The following FGF12 variants were observed in gnomAD, a reference collection of about 807,000 sequenced individuals.
FGF12 encodes fibroblast growth factor 12B.
A neutral mutation model predicts 23.6 loss-of-function variants in FGF12; 14 were observed. The ratio of observed to expected loss-of-function variants is 0.59; its 90% CI spans 0.39 to 0.93. The LOEUF (loss-of-function observed/expected upper bound fraction) is 0.93, where lower values mean the gene tolerates loss of function less well. Ranked by LOEUF, FGF12 falls within the 40% of genes least tolerant of loss-of-function variation. The pLI is 0.00. For missense variants in FGF12, 175 were observed against 217.8 expected, an observed-to-expected ratio of 0.80 and a Z score of 1.24; for synonymous variants, 62 against 77.3, an observed-to-expected ratio of 0.80 and a Z score of 1.04.
intron 2 of FGF12, among the ~76,000 whole-genome samples, chr3:192,528,357 C>G (rs1360456903): frequency 6.6e-6 from 1 of 152,184 alleles, no homozygotes; most frequent in East Asian, 1.9e-4. Context: ...CTCCATGTCT[C>G]AGGTCCAGGT....
At chr3:192,146,942 T>C (rs1400378991) in intron 5 of FGF12, among the ~76,000 whole-genome samples, 1 of 152,200 alleles carries the variant, frequency 6.6e-6, no homozygotes, top group African/African-American at 2.4e-5. Flanking sequence ...TTCCCAATCT[T>C]TGCACTAAAT....
At chr3:192,411,503 G>A (rs146459990) in intron 2 of FGF12, among the ~76,000 whole-genome samples, 7 of 152,214 alleles carry the variant, frequency 4.6e-5, no homozygotes, top group African/African-American at 1.2e-4. Flanking sequence ...AAAGACACAC[G>A]CACACACACA....
intron 4 of FGF12, among the ~76,000 whole-genome samples, chr3:192,190,905 G>A (rs1269574720): frequency 2.0e-5 from 3 of 152,140 alleles, no homozygotes; most frequent in African/African-American, 7.2e-5. Flanking sequence ...TCACGTATGT[G>A]CAACGGATTA....
chr3:192,312,452 A>G (rs1196456365), intron 4 of FGF12, among the ~76,000 whole-genome samples: 1 of 151,230 alleles, frequency 6.6e-6, no homozygotes, highest in African/African-American at 2.4e-5. Context: ...TAAGGTCTTC[A>G]GACAATGGCA....
At position 192,228,579 on chromosome 3, in the gene FGF12, A is replaced by G. The variant is rs143061164; in HGVS notation, c.229-57923T>C. On this transcript the variant is annotated intron_variant, in intron 4 of 5. Coordinates refer to ENST00000445105, the MANE Select transcript of FGF12 (RefSeq NM_004113.6). ...TAAAAATAATGGAAAATTTATCACA[A>G]TCACCATGCCCTCGGGTGATTTTTC... Among the ~76,000 whole-genome samples, 422 of 152,218 alleles carry G rather than the reference A, an allele frequency of 2.8e-3. 2 individuals carry two copies. Among genetic ancestry groups the G allele is most frequent in the African/African-American group, 9.7e-3 (402 of 41,568 alleles).
At chr3:192,173,098 T>C (rs940578384) in intron 4 of FGF12, among the ~76,000 whole-genome samples, 1 of 150,852 alleles carries the variant, frequency 6.6e-6, no homozygotes, top group Non-Finnish European at 1.5e-5. Context: ...AATCCGGAGA[T>C]AGTAAGTACT....
chr3:192,663,106 G>A (rs544028714), intron 2 of FGF12, among the ~76,000 whole-genome samples: 2 of 152,276 alleles, frequency 1.3e-5, no homozygotes, highest in Middle Eastern at 6.8e-3. Flanking sequence ...AGCATGACTT[G>A]GAAAACTTGC....
chr3:192,383,741 C>A (rs1427906078), intron 2 of FGF12, among the ~76,000 whole-genome samples: 1 of 151,930 alleles, frequency 6.6e-6, no homozygotes, highest in African/African-American at 2.4e-5. Flanking sequence ...ATGATAACCA[C>A]ATTATTTGAG....
chr3:192,506,117 T>C (rs1280121832), intron 2 of FGF12, among the ~76,000 whole-genome samples: 1 of 152,230 alleles, frequency 6.6e-6, no homozygotes. Context: ...ATAGCTTCTG[T>C]AAGCCAGCCA....
chr3:192,588,974 G>A (rs1168873384), intron 2 of FGF12, among the ~76,000 whole-genome samples: 3 of 151,958 alleles, frequency 2.0e-5, no homozygotes, highest in Admixed American at 2.0e-4. Context: ...GACTAATAGG[G>A]ATGTGTGTGA....
intron 4 of FGF12, among the ~76,000 whole-genome samples, chr3:192,301,639 T>C (rs964799399): frequency 2.6e-5 from 4 of 152,146 alleles, no homozygotes; most frequent in African/African-American, 9.7e-5. Flanking sequence ...AATTGAAGTT[T>C]TGACCTGTAA....
At chr3:192,682,830 T>C (rs1056884125) in intron 2 of FGF12, among the ~76,000 whole-genome samples, 8 of 152,144 alleles carry the variant, frequency 5.3e-5, no homozygotes, top group African/African-American at 1.7e-4. Context: ...AAGTTGTAGG[T>C]TGACTTCGTT....
Position 192,408,574 on chromosome 3 carries a change from G to A in FGF12, c.14-48036C>T, listed in dbSNP as rs1576959324. On this transcript the variant is annotated intron_variant, in intron 2 of 5. Transcript: ENST00000445105. This position sits in a 1 kb window ranked among gnomAD's most constrained non-coding sequence, Gnocchi z 7.3. The stretch of plus-strand genomic sequence containing the variant: ...GCAGTGGGGAGTTTAGTCACACTGC[G>A]TTCGGGGTACCAAGTGGAAGGGGAA... 3 of 1,105,580 alleles carry A rather than the reference G, an allele frequency of 2.7e-6. No homozygotes were observed. The East Asian group carries it at 1.9e-4, about 69-fold the overall frequency. The allele number at this position is 1,105,580 out of a possible 1,614,324, so 68.5% of individuals were successfully genotyped here. A position where few individuals can be genotyped will look rare whatever the true frequency, so the allele number is the denominator to read the frequency against.
chr3:192,140,972 T>C lies in FGF12; in HGVS notation c.*3037A>G, dbSNP rs1713337387. 1.3e-5 allele frequency: 2 copies of C among 151,660 alleles called. No homozygotes were observed. Among genetic ancestry groups the C allele is most frequent in the South Asian group, 2.1e-4 (1 of 4,828 alleles). 9.4% of individuals were successfully genotyped at this position (151,660 alleles called of 1,614,324 possible). ...TGACCAGAAAGCTATTTTGTGAGACTCTCAAAAGTTTTGTTTTCATTCTTA... is the reference window on the plus strand; with the variant it reads ...TGACCAGAAAGCTATTTTGTGAGACCCTCAAAAGTTTTGTTTTCATTCTTA... On this transcript the variant is annotated 3_prime_UTR_variant, in exon 6 of 6. Coordinates refer to ENST00000445105, the MANE Select transcript of FGF12 (RefSeq NM_004113.6).
intron 5 of FGF12, among the ~76,000 whole-genome samples, chr3:192,146,679 C>CTT (rs113015076): frequency 1.3e-5 from 2 of 151,346 alleles, no homozygotes; most frequent in African/African-American, 4.9e-5. Flanking sequence ...GGACTTTTAT[C>CTT]TTTTTTTTTG....
intron 4 of FGF12, among the ~76,000 whole-genome samples, chr3:192,214,876 A>G (rs1205103900): frequency 6.6e-6 from 1 of 152,218 alleles, no homozygotes; most frequent in Admixed American, 6.5e-5. Flanking sequence ...TTACATGAAA[A>G]CAATTGTTTT....
At chr3:192,245,734 A>G (rs2108599634) in intron 4 of FGF12, among the ~76,000 whole-genome samples, 1 of 152,282 alleles carries the variant, frequency 6.6e-6, no homozygotes, top group East Asian at 1.9e-4. Flanking sequence ...TAGTAGCCAC[A>G]AATCATAAGA....
chr3:192,682,475 C>T (rs1248373934), intron 2 of FGF12, among the ~76,000 whole-genome samples: 2 of 152,196 alleles, frequency 1.3e-5, no homozygotes, highest in Non-Finnish European at 2.9e-5. Context: ...TCAGTTTCCT[C>T]ACCTGTCAAG....
At chr3:192,618,429 A>C (rs1455822508) in intron 2 of FGF12, among the ~76,000 whole-genome samples, 1 of 152,094 alleles carries the variant, frequency 6.6e-6, no homozygotes, top group Non-Finnish European at 1.5e-5. Context: ...TAATAAATAG[A>C]TTGATTTTTA....
Sources: gnomAD v4.1 joint callset for allele counts (sites outside exome capture counted in the v4.1 genomes callset) on GRCh38, gnomAD v4.1.1 for gene constraint, Gnocchi (gnomAD v3.1) non-coding constraint, MANE v1.5 for transcripts, NCBI Gene and HGNC (gene_info 2026-07-23, HGNC 2026-07-21) for gene names.